Variants in ABCA4 observed in about 807,000 individuals in gnomAD.
The protein encoded by ABCA4 is ATP binding cassette subfamily A member 4.
ABCA4 carries 196 observed loss-of-function variants against 263.7 expected under a neutral mutation model. The ratio of observed to expected loss-of-function variants is 0.74; its 90% CI spans 0.66 to 0.84. The LOEUF (loss-of-function observed/expected upper bound fraction) is 0.84. ABCA4 is among the 40% of genes least tolerant of loss of function. The probability of loss-of-function intolerance (pLI) is 0.00; values close to 1 mark genes in which losing one functional copy is unlikely to be tolerated. For synonymous variants in ABCA4, 1,133 were observed against 1,094.2 expected (o/e 1.04, Z -0.70); for missense variants, 2,792 against 2,855.1 (o/e 0.98, Z 0.50).
chr1:94,019,541 G>A (rs761215232), intron 36 of ABCA4, 41 bp downstream of exon 36: 1 of 1,558,534 alleles, frequency 6.4e-7, no homozygotes. Context: ...CTCCACCTTG[G>A]GCCCACGGAG....
At chr1:94,103,468 T>G (rs775632911) in intron 4 of ABCA4, among the ~76,000 whole-genome samples, 8 of 152,248 alleles carry the variant, frequency 5.3e-5, no homozygotes, top group Non-Finnish European at 1.0e-4. Context: ...GGGAATTTCA[T>G]CCTCCTGGAA....
chr1:94,002,234 G>A (rs11805625), intron 44 of ABCA4, among the ~76,000 whole-genome samples: 4 of 152,080 alleles, frequency 2.6e-5, no homozygotes, highest in Admixed American at 2.0e-4. Context: ...GGGTGTAGCC[G>A]CCTGGGAAAT....
At chr1:94,033,911 C>T (rs561784960) in intron 26 of ABCA4, among the ~76,000 whole-genome samples, 1 of 152,206 alleles carries the variant, frequency 6.6e-6, no homozygotes, top group Admixed American at 6.5e-5. Context: ...CCTACTGCCC[C>T]TCCTCTTTGC....
At chr1:94,104,265 G>T (rs1012788881) in intron 4 of ABCA4, among the ~76,000 whole-genome samples, 3 of 152,168 alleles carry the variant, frequency 2.0e-5, no homozygotes, top group Non-Finnish European at 4.4e-5. Flanking sequence ...AACACAAAGG[G>T]AAAGCACTGG....
At chr1:94,004,379 T>C (rs995301481) in intron 44 of ABCA4, among the ~76,000 whole-genome samples, 3 of 152,228 alleles carry the variant, frequency 2.0e-5, no homozygotes, top group African/African-American at 7.2e-5. Flanking sequence ...AAAACATTTA[T>C]TAATTTATTT....
chr1:94,004,070 G>A (rs1398354949), intron 44 of ABCA4, among the ~76,000 whole-genome samples: 2 of 152,210 alleles, frequency 1.3e-5, no homozygotes, highest in Non-Finnish European at 2.9e-5. Context: ...AGTGGGGAAT[G>A]TTATTAAGAC....
intron 22 of ABCA4, 68 bp from the exon 23 acceptor site, chr1:94,041,470 C>T: frequency 6.4e-7 from 1 of 1,555,070 alleles, no homozygotes; most frequent in Admixed American, 1.7e-5. Context: ...AAAGGGTGTA[C>T]AGCAATTTCC....
intron 11 of ABCA4, among the ~76,000 whole-genome samples, chr1:94,069,302 T>G (rs1661348702): frequency 6.6e-6 from 1 of 152,204 alleles, no homozygotes; most frequent in African/African-American, 2.4e-5. Flanking sequence ...GGAAATGATG[T>G]CCAGTAGAGG....
chr1:94,099,777 G>T (rs550625658), intron 5 of ABCA4, among the ~76,000 whole-genome samples: 1 of 152,152 alleles, frequency 6.6e-6, no homozygotes, highest in South Asian at 2.1e-4. Context: ...TCTGAAGTTC[G>T]AATTTAACTA....
At chr1:94,008,633 A>T in intron 41 of ABCA4, 118 bp downstream of exon 41, 1 of 1,425,688 alleles carries the variant, frequency 7.0e-7, no homozygotes, top group Non-Finnish European at 9.9e-7. Flanking sequence ...GACCCTACAT[A>T]AAACTGGGAA....
At position 94,021,915 on chromosome 1, in the gene ABCA4, G is replaced by A. The variant is rs1002218880; in HGVS notation, c.4704C>T (p.Val1568=). The A allele has an allele frequency of 5.6e-6, 9 of 1,614,068 alleles. No homozygotes were observed. Among genetic ancestry groups the A allele is most frequent in the East Asian group, 4.5e-5 (2 of 44,896 alleles). ...CAAGTGCTTCCCCCGTGATGGGGAC[G>A]ACTGGGAGCTTTCCTCCAATGGAAA... is the stretch of plus-strand genomic sequence containing the variant. ...GGISIGGKLP[V]VPITGEALVG... Residue 1568 remains valine (V), a synonymous_variant, in exon 33 of 50, where the codon GTC becomes GTT. Transcript: ENST00000370225.
intron 6 of ABCA4, among the ~76,000 whole-genome samples, chr1:94,095,148 A>G (rs1662088399): frequency 6.6e-6 from 1 of 151,916 alleles, no homozygotes; most frequent in African/African-American, 2.4e-5. Flanking sequence ...ACGCGCGGGG[A>G]TGGGTGGGAT....
At chr1:94,112,607 G>C (rs542912803) in intron 2 of ABCA4, among the ~76,000 whole-genome samples, 22 of 152,100 alleles carry the variant, frequency 1.4e-4, no homozygotes, top group Non-Finnish European at 2.8e-4. Context: ...AGACCAGCCC[G>C]GGCAATGTAG....
intron 11 of ABCA4, among the ~76,000 whole-genome samples, chr1:94,070,623 G>T (rs757380383): frequency 1.3e-5 from 2 of 152,214 alleles, no homozygotes; most frequent in Non-Finnish European, 2.9e-5. Flanking sequence ...TCAGGGCCAT[G>T]AAGGTGCGGA....
chr1:94,041,505 G>T (rs549331541), intron 22 of ABCA4, 103 bp from the exon 23 acceptor site: 22 of 1,248,176 alleles, frequency 1.8e-5, no homozygotes, highest in Non-Finnish European at 1.1e-6. Flanking sequence ...CAAAAATCAG[G>T]AGTTAACTAA....
chr1:94,117,324 C>T (rs1662818405), intron 1 of ABCA4, among the ~76,000 whole-genome samples: 1 of 152,118 alleles, frequency 6.6e-6, no homozygotes, highest in South Asian at 2.1e-4. Context: ...GACCCGGAGC[C>T]TGGGTACACT....
chr1:94,107,653 A>C (rs1453212536), intron 4 of ABCA4, among the ~76,000 whole-genome samples: 2 of 152,096 alleles, frequency 1.3e-5, no homozygotes, highest in African/African-American at 4.8e-5. Flanking sequence ...ATCTTCCTGC[A>C]CAACCGTGGT....
intron 38 of ABCA4, 52 bp from the exon 39 acceptor site, chr1:94,011,437 CT>C (rs1259444659): frequency 1.9e-5 from 29 of 1,544,662 alleles, no homozygotes; most frequent in African/African-American, 5.3e-5. Context: ...CACCCCCCCT[CT>C]CTTCAGCAGG....
chr1:94,051,245 C>A (rs1469709113), intron 17 of ABCA4, among the ~76,000 whole-genome samples: 1 of 152,182 alleles, frequency 6.6e-6, no homozygotes, highest in Non-Finnish European at 1.5e-5. Context: ...AATAAAAAGG[C>A]ACAAGGAAGG....
Sources: allele counts gnomAD v4.1 joint callset (sites outside exome capture counted in the v4.1 genomes callset), GRCh38; gene constraint gnomAD v4.1.1; transcripts MANE v1.5; gene names NCBI Gene and HGNC (gene_info 2026-07-23, HGNC 2026-07-21).